Variants in ZNF185 observed in about 807,000 individuals in gnomAD.
ZNF185 encodes zinc finger protein 185.
Under a neutral mutation model 58.6 loss-of-function variants are expected in ZNF185, and 56 were observed. The observed-to-expected ratio is 0.95, with a 90% CI of 0.77 to 1.19. The LOEUF (loss-of-function observed/expected upper bound fraction) is 1.19, where lower values mean the gene tolerates loss of function less well. Among genes scored for constraint, ZNF185 ranks in the 50% most tolerant of loss-of-function variants. The probability of loss-of-function intolerance (pLI) is 0.00; values close to 1 mark genes in which losing one functional copy is unlikely to be tolerated. For synonymous variants in ZNF185, 230 were observed against 215.9 expected (o/e 1.07, Z -0.57); for missense variants, 627 against 573.5 (o/e 1.09, Z -0.95).
the ZNF185 span, among the ~76,000 whole-genome samples, chrX:152,903,832 C>T: frequency 9.0e-6 from 1 of 111,515 alleles, no homozygotes; most frequent in Non-Finnish European, 1.9e-5. Flanking sequence ...GCCCAGCTGC[C>T]TTCTCCCCTC....
At chrX:152,964,209 G>A (rs2049872264) in intron 18 of ZNF185, among the ~76,000 whole-genome samples, 1 of 112,959 alleles carries the variant, frequency 8.9e-6, no homozygotes, top group South Asian at 3.6e-4. Flanking sequence ...ACTAGTGGAT[G>A]TGGCTCTGCC....
At chrX:152,931,601 G>A in intron 12 of ZNF185, 71 bp from the exon 14 acceptor site, 1 of 939,389 alleles carries the variant, frequency 1.1e-6, no homozygotes, top group Non-Finnish European at 1.5e-6. Flanking sequence ...GGCGTTTGAG[G>A]ATGAGGTAAC....
chrX:152,941,814 G>A (rs1556890033), intron 15 of ZNF185: 2 of 1,158,286 alleles, frequency 1.7e-6, no homozygotes, highest in East Asian at 6.7e-5. Flanking sequence ...CGAGGAGCTG[G>A]CTGCCCCTTC....
At chrX:152,970,346 A>G (rs1603337856) in intron 21 of ZNF185, 97 bp from the exon 24 acceptor site, 6 of 743,868 alleles carry the variant, frequency 8.1e-6, no homozygotes, top group Non-Finnish European at 1.2e-5. Flanking sequence ...GGCTCACAGC[A>G]TCTGCTCGCC....
chrX:152,962,786 A>G (rs1204544938), intron 17 of ZNF185, among the ~76,000 whole-genome samples: 1 of 112,685 alleles, frequency 8.9e-6, no homozygotes, highest in Non-Finnish European at 1.9e-5. Flanking sequence ...GGGGAACTGC[A>G]GGCTGGTCTG....
chrX:152,954,152 C>CT (rs34539156), intron 16 of ZNF185, among the ~76,000 whole-genome samples: 24,499 of 107,706 alleles, frequency 0.23, 2,231 homozygotes, highest in South Asian at 0.37. Context: ...AAAAAAAAGC[C>CT]TTTTTTTTTC....
chrX:152,938,028 C>G, intron 14 of ZNF185, 46 bp from the exon 17 acceptor site: 1 of 1,137,828 alleles, frequency 8.8e-7, no homozygotes, highest in South Asian at 2.0e-5. Context: ...TGGGCCCCAG[C>G]CTTCTTTGGT....
intron 16 of ZNF185, among the ~76,000 whole-genome samples, chrX:152,948,137 C>G (rs1378624991): frequency 8.9e-6 from 1 of 111,830 alleles, no homozygotes; most frequent in Non-Finnish European, 1.9e-5. Flanking sequence ...CCACGCTGAG[C>G]TAACTTTCCA....
At chrX:152,922,145 C>G (rs1215429495) in intron 9 of ZNF185, 28 bp from the exon 11 acceptor site, 8 of 1,170,970 alleles carry the variant, frequency 6.8e-6, no homozygotes, top group South Asian at 1.9e-5. Flanking sequence ...AAGAAGACCA[C>G]GAGCGCTGTT....
At chrX:152,960,438 G>A (rs2049342250) in intron 17 of ZNF185, among the ~76,000 whole-genome samples, 1 of 112,126 alleles carries the variant, frequency 8.9e-6, no homozygotes, top group Admixed American at 9.5e-5. Context: ...AATTTTCTGA[G>A]AGAGACCAAG....
upstream of ZNF185, among the ~76,000 whole-genome samples, chrX:152,912,137 T>C (rs60544077): frequency 0.038 from 4,224 of 111,183 alleles, 213 homozygotes; most frequent in African/African-American, 0.13. Context: ...TTTCTGACTC[T>C]TTCATATTTA....
chrX:152,959,706 A>G (rs1556908367), exon 17 of ZNF185: 3 of 1,208,721 alleles, frequency 2.5e-6, no homozygotes, highest in Admixed American at 2.2e-5. Context: ...CAGCGTGTTG[A>G]CTGATTTTGA....
At chrX:152,927,118 G>A (rs1941005590) in intron 11 of ZNF185, among the ~76,000 whole-genome samples, 2 of 112,550 alleles carry the variant, frequency 1.8e-5, no homozygotes, top group Admixed American at 9.3e-5. Flanking sequence ...GAGAAAATAT[G>A]TTGTGCTTGC....
chrX:152,917,674 G>A (rs1556866846), intron 5 of ZNF185, among the ~76,000 whole-genome samples: 1 of 112,548 alleles, frequency 8.9e-6, no homozygotes. Context: ...TTTGGGAGGG[G>A]CTGGGTGTAG....
rs782125767 is a variant in ZNF185 at position 152,914,450 on chromosome X, C to T, written c.-40C>T. The T allele has an allele frequency of 6.1e-6, 7 of 1,143,868 alleles. No individual in the cohort carries two copies. In the Admixed American group the frequency reaches 1.7e-4, roughly 29 times the overall value. The allele number at this position is 1,143,868 out of a possible 1,213,427, so 94.3% of individuals were successfully genotyped here. On this transcript the variant is annotated 5_prime_UTR_variant, in exon 1 of 23. Coordinates refer to ENST00000449285, the Ensembl canonical transcript of ZNF185. ...TTGCTTACCTTTATCCCCAGAAGCC[C>T]TGCTGAATCAAGTGAGAGGAGAGCT...
chrX:152,926,253 T>C lies in ZNF185; in HGVS notation c.831-2322T>C, dbSNP rs183526050. Among the ~76,000 whole-genome samples, 3 of 112,397 alleles carry C rather than the reference T, an allele frequency of 2.7e-5. No homozygotes were observed. In the Admixed American group the frequency reaches 2.8e-4, roughly 11 times the overall value. On this transcript the variant is annotated intron_variant, in intron 11 of 22. Transcript: ENST00000449285. ...TGCATCAGTTTCCCCGTGGATAAAATAGGGAGAGCAGTAATAGCTACTTCC... is the reference window on the plus strand; with the variant it reads ...TGCATCAGTTTCCCCGTGGATAAAACAGGGAGAGCAGTAATAGCTACTTCC...
chrX:152,968,009 C>T (rs2050285400), intron 20 of ZNF185, among the ~76,000 whole-genome samples: 1 of 112,003 alleles, frequency 8.9e-6, no homozygotes, highest in African/African-American at 3.2e-5. Flanking sequence ...GATCTTAATT[C>T]ATGTGGATGA....
chrX:152,946,135 G>A (rs899837151), intron 16 of ZNF185, among the ~76,000 whole-genome samples: 2 of 112,646 alleles, frequency 1.8e-5, no homozygotes, highest in Non-Finnish European at 3.7e-5. Flanking sequence ...CTCTGGACAC[G>A]TCAACAGGCC....
intron 16 of ZNF185, among the ~76,000 whole-genome samples, chrX:152,951,831 AG>A (rs1556900365): frequency 8.9e-6 from 1 of 112,387 alleles, no homozygotes; most frequent in Admixed American, 9.5e-5. Flanking sequence ...AAAAGCAAAA[AG>A]TATATAAACT....
Sources: allele counts gnomAD v4.1 joint callset (sites outside exome capture counted in the v4.1 genomes callset), GRCh38; gene constraint gnomAD v4.1.1; transcripts MANE v1.5; gene names NCBI Gene and HGNC (gene_info 2026-07-23, HGNC 2026-07-21).